Variants in ATG10 observed in about 807,000 individuals in gnomAD.
ATG10 encodes autophagy related 10, also known as ubiquitin-like-conjugating enzyme ATG10.
Under a neutral mutation model 32.1 loss-of-function variants are expected in ATG10, and 30 were observed. That is an observed-to-expected ratio of 0.94 (90% confidence interval 0.70 to 1.27). The LOEUF (loss-of-function observed/expected upper bound fraction) is 1.27. ATG10 is among the 50% of genes most tolerant of loss of function. The pLI is 0.00. For synonymous variants in ATG10, 87 were observed against 91.5 expected (o/e 0.95, Z 0.28); for missense variants, 233 against 262.3 (o/e 0.89, Z 0.77).
chr5:82,246,654 C>T (rs1747050519), intron 5 of ATG10, among the ~76,000 whole-genome samples: 1 of 151,984 alleles, frequency 6.6e-6, no homozygotes, highest in Admixed American at 6.5e-5. Context: ...ATGTTATAAA[C>T]TCAACACTAG....
intron 5 of ATG10, among the ~76,000 whole-genome samples, chr5:82,193,241 A>C (rs558459702): frequency 6.6e-6 from 1 of 152,214 alleles, no homozygotes; most frequent in Non-Finnish European, 1.5e-5. Context: ...CCTACAGTTC[A>C]TCTAGAATTG....
intron 3 of ATG10, among the ~76,000 whole-genome samples, chr5:82,081,955 C>G (rs1463281322): frequency 6.6e-6 from 1 of 152,182 alleles, no homozygotes; most frequent in Non-Finnish European, 1.5e-5. Flanking sequence ...CCTTGTACCT[C>G]TGGTAGAATT....
intron 2 of ATG10, among the ~76,000 whole-genome samples, chr5:82,030,375 A>G (rs759434484): frequency 1.1e-4 from 17 of 152,208 alleles, no homozygotes; most frequent in Admixed American, 1.1e-3. Flanking sequence ...TTTGCTCCCT[A>G]GTTGGATTAG....
rs73136789 is a variant in ATG10, at chr5:82,173,833, T to C, written c.356-4657T>C. Among the ~76,000 whole-genome samples, 869 of 152,300 alleles carry C rather than the reference T, an allele frequency of 5.7e-3. 14 individuals are homozygous for C. The highest frequency in any genetic ancestry group is 0.02 in the African/African-American group (814 of 41,566). ...TCTTAACATGGTTTAAAGTTTCTCA[T>C]TGAAGATACTTTGAATTGAACATGC... is the stretch of plus-strand genomic sequence containing the variant. On this transcript the variant is annotated intron_variant, in intron 4 of 7. Transcript: ENST00000282185.
intron 5 of ATG10, among the ~76,000 whole-genome samples, chr5:82,184,444 C>G (rs906617536): frequency 6.6e-6 from 1 of 152,082 alleles, no homozygotes; most frequent in African/African-American, 2.4e-5. Flanking sequence ...TAGGATCCCC[C>G]CTTCCCACCC....
chr5:82,175,700 C>T (rs965771995), intron 4 of ATG10, among the ~76,000 whole-genome samples: 3 of 152,164 alleles, frequency 2.0e-5, no homozygotes, highest in Non-Finnish European at 2.9e-5. Context: ...CTCCCTGGAA[C>T]GCTGTGCCTC....
chr5:82,174,741 C>CA (rs1294904336), intron 4 of ATG10, among the ~76,000 whole-genome samples: 1 of 152,100 alleles, frequency 6.6e-6, no homozygotes, highest in Non-Finnish European at 1.5e-5. Flanking sequence ...TTTTGAGGAA[C>CA]AGTGGTCTTT....
At chr5:82,100,640 G>T (rs531232527) in intron 3 of ATG10, among the ~76,000 whole-genome samples, 17 of 141,794 alleles carry the variant, frequency 1.2e-4, no homozygotes, top group Middle Eastern at 3.8e-3. Context: ...GGCAAAAGAA[G>T]GGCTCTGTCT....
chr5:82,100,924 C>T (rs116144993), intron 3 of ATG10, among the ~76,000 whole-genome samples: 6,590 of 152,078 alleles, frequency 0.043, 203 homozygotes, highest in South Asian at 0.088. Flanking sequence ...GGTCAGATTA[C>T]ATCTGGTGGA....
At chr5:82,079,490 A>T (rs1764397751) in intron 3 of ATG10, among the ~76,000 whole-genome samples, 1 of 151,908 alleles carries the variant, frequency 6.6e-6, no homozygotes. Flanking sequence ...TACATTAGGT[A>T]TATCTCCTAG....
chr5:82,156,255 A>C (rs1767794742), intron 3 of ATG10, among the ~76,000 whole-genome samples: 1 of 152,094 alleles, frequency 6.6e-6, no homozygotes, highest in Non-Finnish European at 1.5e-5. Flanking sequence ...CTGACTTTAT[A>C]ATTCCATAGA....
chr5:82,159,256 A>T (rs1743198267), intron 3 of ATG10, among the ~76,000 whole-genome samples: 2 of 152,108 alleles, frequency 1.3e-5, no homozygotes, highest in African/African-American at 4.8e-5. Flanking sequence ...ATGGCAGGAG[A>T]TTTCATCACA....
intron 5 of ATG10, among the ~76,000 whole-genome samples, chr5:82,244,753 T>G (rs1261306018): frequency 1.3e-5 from 2 of 152,206 alleles, no homozygotes; most frequent in Admixed American, 6.5e-5. Flanking sequence ...CATTTCCTTG[T>G]GATAGTCATA....
intron 5 of ATG10, among the ~76,000 whole-genome samples, chr5:82,210,995 C>G (rs1745472171): frequency 6.6e-6 from 1 of 152,028 alleles, no homozygotes; most frequent in Admixed American, 6.5e-5. Flanking sequence ...ATTTGAAATT[C>G]TAGGATTCTA....
intron 3 of ATG10, among the ~76,000 whole-genome samples, chr5:82,153,173 G>A (rs187357728): frequency 3.8e-4 from 58 of 152,026 alleles, no homozygotes; most frequent in South Asian, 1.0e-3. Flanking sequence ...TTTCTCCCAC[G>A]CTCTCTGTAG....
At chr5:82,158,804 A>C (rs1397673692) in intron 3 of ATG10, among the ~76,000 whole-genome samples, 1 of 152,168 alleles carries the variant, frequency 6.6e-6, no homozygotes, top group East Asian at 1.9e-4. Context: ...AAAGCATAGT[A>C]ACAGTTAAGT....
chr5:82,052,753 C>T (rs1327511580), intron 2 of ATG10, among the ~76,000 whole-genome samples: 1 of 152,030 alleles, frequency 6.6e-6, no homozygotes, highest in East Asian at 1.9e-4. Flanking sequence ...TCATACTGTT[C>T]TGCGCTTTAA....
At chr5:82,140,662 G>A (rs1352411755) in intron 3 of ATG10, among the ~76,000 whole-genome samples, 1 of 51,356 alleles carries the variant, frequency 1.9e-5, no homozygotes, top group African/African-American at 6.8e-5. Context: ...GCCTCTGCCC[G>A]GCCGCCCCTA....
At chr5:82,049,411 A>T (rs1390673352) in intron 2 of ATG10, among the ~76,000 whole-genome samples, 22 of 35,140 alleles carry the variant, frequency 6.3e-4, no homozygotes, top group Admixed American at 4.9e-3. Flanking sequence ...GGGTGGGGGG[A>T]GGGGGGGAGG....
Sources: gnomAD v4.1 joint callset for allele counts (sites outside exome capture counted in the v4.1 genomes callset) on GRCh38, gnomAD v4.1.1 for gene constraint, MANE v1.5 for transcripts, NCBI Gene and HGNC (gene_info 2026-07-23, HGNC 2026-07-21) for gene names.